Variants in IRF9 observed in about 807,000 individuals in gnomAD.
IRF9 encodes the protein IFN-alpha-responsive transcription factor subunit.
A neutral mutation model predicts 44.1 loss-of-function variants in IRF9; 13 were observed. That is an observed-to-expected ratio of 0.29 (90% CI 0.19 to 0.47). IRF9 has a LOEUF of 0.47. Among genes scored for constraint, IRF9 ranks in the 20% least tolerant of loss-of-function variants. The pLI is 1.00. For synonymous variants in IRF9, 189 were observed against 188.5 expected, an observed-to-expected ratio of 1.00 and a Z score of -0.02; for missense variants, 373 against 496.1, an observed-to-expected ratio of 0.75 and a Z score of 2.36.
At chr14:24,165,714 C>G in intron 7 of IRF9, 133 bp from the exon 8 acceptor site, 1 of 624,986 alleles carries the variant, frequency 1.6e-6, no homozygotes, top group South Asian at 2.0e-5. Context: ...CCAAGTACTT[C>G]TGACCTTGCA....
In IRF9 at chr14:24,163,768, C is replaced by T. The variant is rs906229937; in HGVS notation, c.496-110C>T. 2.4e-5 allele frequency: 27 copies of T among 1,136,692 alleles called. No homozygotes were observed. In the Admixed American group the frequency reaches 2.8e-4, roughly 12 times the overall value. 70.4% of individuals were successfully genotyped at this position (1,136,692 alleles called of 1,614,324 possible). On this transcript the variant is annotated intron_variant, in intron 4 of 8. Coordinates refer to ENST00000396864, the MANE Select transcript of IRF9 (RefSeq NM_006084.5). ...CAGGAGAATCGCTTGAACCGGGGGG[C>T]GGAGATAGCAGTGAGCCGAGATCGC...
intron 3 of IRF9, 26 bp downstream of exon 3, chr14:24,163,175 G>A (rs1190113665): frequency 6.2e-7 from 1 of 1,610,278 alleles, no homozygotes; most frequent in Admixed American, 1.7e-5. Context: ...TCCAACCACT[G>A]CTAGACTCAG....
At chr14:24,163,312 C>T in intron 3 of IRF9, 66 bp from the exon 4 acceptor site, 1 of 1,579,862 alleles carries the variant, frequency 6.3e-7, no homozygotes, top group East Asian at 2.2e-5. Flanking sequence ...CTGCCTCAGA[C>T]CTCTCCTTCA....
intron 2 of IRF9, chr14:24,162,667 G>T: frequency 2.3e-6 from 1 of 441,528 alleles, no homozygotes; most frequent in Non-Finnish European, 4.1e-6. Context: ...GGGCCTAGCG[G>T]TGCATGCCTG....
At position 24,163,913 on chromosome 14, in the gene IRF9, A is replaced by G. The variant is rs2038490637; in HGVS notation, c.531A>G (p.Ser177=). ...GGGCCAGTGGGGGAGCAGTCCATTCAGACATTGGGAGCAGCAGCAGCAGCA... is the reference window on the plus strand; with the variant it reads ...GGGCCAGTGGGGGAGCAGTCCATTCGGACATTGGGAGCAGCAGCAGCAGCA... ...EEGASGGAVH[S]DIGSSSSSSS... is the part of the protein sequence containing the mutation. The change falls in exon 5 of 9, where the codon TCA becomes TCG. Residue 177 remains serine (S), a synonymous_variant. Coordinates refer to ENST00000396864, the MANE Select transcript of IRF9 (RefSeq NM_006084.5). 1.9e-6 allele frequency: 3 copies of G among 1,602,302 alleles called. No individual in the cohort carries two copies. The highest frequency in any genetic ancestry group is 4.5e-5 in the East Asian group (2 of 44,828).
intron 1 of IRF9, among the ~76,000 whole-genome samples, chr14:24,161,720 TG>T (rs1440302210): frequency 2.0e-5 from 3 of 152,068 alleles, no homozygotes; most frequent in Non-Finnish European, 4.4e-5. Flanking sequence ...GTGTAGGCTG[TG>T]GGGCGGTGGG....
rs978866275 is a variant in IRF9, at chr14:24,166,119, C to T, written c.1108-3C>T. The stretch of plus-strand genomic sequence containing the variant: ...ATGCTCTTCTCCATCTCTTCCAATA[C>T]AGATGGAGCAGGCCTTTGCCCGATA... On this transcript the variant is annotated splice_polypyrimidine_tract_variant and splice_region_variant and intron_variant, in intron 8 of 8. Transcript: ENST00000396864. The T allele has an allele frequency of 5.0e-6, 8 of 1,613,220 alleles. No homozygotes were observed. In the African/African-American group the frequency reaches 5.3e-5, roughly 11 times the overall value.
Position 24,166,114 on chromosome 14 carries a change from C to A in IRF9, c.1108-8C>A, listed in dbSNP as rs948699783. 3 of 1,613,020 alleles carry A rather than the reference C, an allele frequency of 1.9e-6. No homozygotes were observed. Among genetic ancestry groups the A allele is most frequent in the Non-Finnish European group, 2.5e-6 (3 of 1,179,292 alleles). ...CTGAGATGCTCTTCTCCATCTCTTC[C>A]AATACAGATGGAGCAGGCCTTTGCC... is the stretch of plus-strand genomic sequence containing the variant. On this transcript the variant is annotated splice_polypyrimidine_tract_variant and splice_region_variant and intron_variant, in intron 8 of 8. Transcript: ENST00000396864.
intron 4 of IRF9, 40 bp from the exon 5 acceptor site, chr14:24,163,838 A>C: frequency 6.4e-7 from 1 of 1,563,518 alleles, no homozygotes; most frequent in Non-Finnish European, 8.6e-7. Context: ...ACTCTGTCTC[A>C]AAAAAAGAGA....
chr14:24,165,399 T>G (rs867189590), intron 7 of IRF9: 1 of 595,966 alleles, frequency 1.7e-6, no homozygotes, highest in South Asian at 1.9e-5. Context: ...AGGGTTGCGC[T>G]TCTCTCCCAT....
At chr14:24,161,995 T>C (rs1472508699) in intron 1 of IRF9, 149 bp from the exon 2 acceptor site, 8 of 705,108 alleles carry the variant, frequency 1.1e-5, no homozygotes, top group East Asian at 2.5e-5. Context: ...TTCTGTCCCA[T>C]AGAGTGTTGA....
rs756356764 is a variant in IRF9 at position 24,164,962 on chromosome 14, C to T, written c.991+7C>T. On this transcript the variant is annotated splice_region_variant and intron_variant, in intron 7 of 8. Coordinates refer to ENST00000396864, the MANE Select transcript of IRF9 (RefSeq NM_006084.5). This position sits in a 1 kb window ranked among gnomAD's most constrained non-coding sequence, Gnocchi z 5.2. ...ACCGCCTACTTCTGCAGAGGTGAGGCTGTTCTCTCTGGGCACATGAGCTTC... is the reference window on the plus strand; with the variant it reads ...ACCGCCTACTTCTGCAGAGGTGAGGTTGTTCTCTCTGGGCACATGAGCTTC... 7 of 1,609,680 alleles carry T rather than the reference C, an allele frequency of 4.3e-6. No individual in the cohort carries two copies. In the South Asian group the frequency reaches 6.6e-5, roughly 15 times the overall value.
rs2139103219 is a variant in IRF9 at position 24,163,100 on chromosome 14, T to C, written c.315T>C (p.Val105=). The change falls in exon 3 of 9, where the codon GTT becomes GTC. Residue 105 remains valine, a synonymous_variant. Coordinates refer to ENST00000396864, the MANE Select transcript of IRF9 (RefSeq NM_006084.5). ...TTCCTGAGAGGGGCCGCATGGATGT[T>C]GCTGAGCCCTACAAGGTGTATCAGT... ...KEVPERGRMD[V]AEPYKVYQLL... is the part of the protein sequence containing the mutation. The C allele has an allele frequency of 1.2e-6, 2 of 1,614,192 alleles. No homozygotes were observed. The highest frequency in any genetic ancestry group is 1.7e-6 in the Non-Finnish European group (2 of 1,180,028).
At position 24,164,927 on chromosome 14, in the gene IRF9, G is replaced by A. The variant is rs757883401; in HGVS notation, c.963G>A (p.Glu321=). The A allele has an allele frequency of 6.2e-7, 1 of 1,612,826 alleles. No individual in the cohort carries two copies. Among genetic ancestry groups the A allele is most frequent in the African/African-American group, 1.3e-5 (1 of 75,060 alleles). ...PHLLPSNECV[E]LFRTAYFCRD... is the part of the protein sequence containing the mutation. ...TGCTGCCCAGCAACGAGTGCGTGGA[G>A]CTCTTCAGAACCGCCTACTTCTGCA... Residue 321 remains glutamate (E), a synonymous_variant, in exon 7 of 9, where the codon GAG becomes GAA. Coordinates refer to ENST00000396864, the MANE Select transcript of IRF9 (RefSeq NM_006084.5). This position sits in a 1 kb window ranked among gnomAD's most constrained non-coding sequence, Gnocchi z 5.2.
At chr14:24,163,616 C>T (rs536028834) in intron 4 of IRF9, 108 bp downstream of exon 4, 61 of 1,322,174 alleles carry the variant, frequency 4.6e-5, no homozygotes, top group Admixed American at 3.0e-4. Flanking sequence ...GCTGGCAGAT[C>T]ACGTGAGGTC....
chr14:24,163,599 G>T (rs2038486450), intron 4 of IRF9, 91 bp downstream of exon 4: 1 of 1,442,448 alleles, frequency 6.9e-7, no homozygotes, highest in Non-Finnish European at 9.5e-7. Flanking sequence ...TGTCTTGGGA[G>T]GCCGAGGCTG....
intron 8 of IRF9, 52 bp from the exon 9 acceptor site, chr14:24,166,070 T>A: frequency 6.3e-7 from 1 of 1,595,900 alleles, no homozygotes. Context: ...GGGGGTGGTG[T>A]CTGTCCCTGA....
At position 24,163,108 on chromosome 14, in the gene IRF9, C is replaced by T; in HGVS notation, c.323C>T (p.Pro108Leu). 1 of 1,614,174 alleles carries T rather than the reference C, an allele frequency of 6.2e-7. No homozygotes were observed. The highest frequency in any genetic ancestry group is 8.5e-7 in the Non-Finnish European group (1 of 1,180,032). ...AGGGGCCGCATGGATGTTGCTGAGC[C>T]CTACAAGGTGTATCAGTTGCTGCCA... ...PERGRMDVAE[P>L]YKVYQLLPPG... The change falls in exon 3 of 9, where the codon CCC becomes CTC. Residue 108 changes from proline to leucine, a missense_variant. Transcript: ENST00000396864.
At position 24,166,166 on chromosome 14, in the gene IRF9, G is replaced by A. The variant is rs1338162401; in HGVS notation, c.1152G>A (p.Glu384=). The A allele has an allele frequency of 2.5e-6, 4 of 1,613,996 alleles. No individual in the cohort carries two copies. The highest frequency in any genetic ancestry group is 1.1e-5 in the South Asian group (1 of 91,072). The change falls in exon 9 of 9, where the codon GAG becomes GAA. Residue 384 remains glutamate, a synonymous_variant. Transcript: ENST00000396864. ...FARYLLEQTP[E]QQAAILSLV is the part of the protein sequence containing the mutation. ...GATACTTGCTGGAGCAGACTCCAGA[G>A]CAGCAGGCAGCCATTCTGTCCCTGG...
Sources: allele counts gnomAD v4.1 joint callset (sites outside exome capture counted in the v4.1 genomes callset), GRCh38; gene constraint gnomAD v4.1.1; non-coding constraint Gnocchi (gnomAD v3.1); transcripts MANE v1.5; gene names NCBI Gene and HGNC (gene_info 2026-07-23, HGNC 2026-07-21).